The following CNTLN variants were observed in gnomAD, a reference collection of about 807,000 sequenced individuals.
The protein encoded by CNTLN is centlein, centrosomal protein.
Under a neutral mutation model 180.0 loss-of-function variants are expected in CNTLN, and 212 were observed. The ratio of observed to expected loss-of-function variants is 1.18; its 90% confidence interval spans 1.05 to 1.32. The LOEUF (loss-of-function observed/expected upper bound fraction) is 1.32. Ranked by LOEUF, CNTLN falls within the 40% of genes most tolerant of loss-of-function variation. The probability of loss-of-function intolerance (pLI) is 0.00; values close to 1 mark genes in which losing one functional copy is unlikely to be tolerated. For missense variants in CNTLN, 2,095 were observed against 1,610.9 expected (o/e 1.30, Z -5.14); for synonymous variants, 722 against 563.1 (o/e 1.28, Z -3.99).
At chr9:17,447,035 A>T (rs755679659) in intron 18 of CNTLN, 123 of 157,592 alleles carry the variant, frequency 7.8e-4, no homozygotes, top group Non-Finnish European at 1.5e-3. Flanking sequence ...GCGGTATTTC[A>T]CATAGACTGC....
In CNTLN at chr9:17,409,403, C is replaced by G; in HGVS notation, c.2726C>G (p.Thr909Arg). The G allele has an allele frequency of 6.2e-7, 1 of 1,613,282 alleles. No individual in the cohort carries two copies. Among genetic ancestry groups the G allele is most frequent in the Non-Finnish European group, 8.5e-7 (1 of 1,179,600 alleles). The part of the protein sequence containing the change: ...DGKDQKESDP[T>R]EDSQTQGKEI... ...AAAGACCAGAAAGAAAGTGATCCAACAGAAGACAGCCAAACACAAGGAAAA... is the reference window on the plus strand; with the variant it reads ...AAAGACCAGAAAGAAAGTGATCCAAGAGAAGACAGCCAAACACAAGGAAAA... Residue 909 changes from threonine (T) to arginine (R), a missense_variant, in exon 16 of 26, where the codon ACA becomes AGA. Physicochemically the swap from Thr to Arg is moderately conservative, Grantham distance 71. Coordinates refer to ENST00000380647, the MANE Select transcript of CNTLN (RefSeq NM_017738.4).
At chr9:17,235,181 C>T (rs918029537) in intron 3 of CNTLN, among the ~76,000 whole-genome samples, 3 of 152,150 alleles carry the variant, frequency 2.0e-5, no homozygotes, top group African/African-American at 7.2e-5. Flanking sequence ...TCTAAATATT[C>T]TGTCTACAGA....
chr9:17,353,894 A>G (rs971046644), intron 12 of CNTLN, among the ~76,000 whole-genome samples: 1 of 152,164 alleles, frequency 6.6e-6, no homozygotes. Flanking sequence ...TGGGCTGGCC[A>G]AGGCTGGAGC....
intron 5 of CNTLN, among the ~76,000 whole-genome samples, chr9:17,256,147 C>G (rs1176732478): frequency 1.4e-4 from 22 of 151,776 alleles, no homozygotes; most frequent in Non-Finnish European, 3.2e-4. Flanking sequence ...TTTTATTTAT[C>G]CAGTCTGCTA....
intron 3 of CNTLN, among the ~76,000 whole-genome samples, chr9:17,228,731 C>T (rs758265134): frequency 2.0e-5 from 3 of 151,978 alleles, no homozygotes; most frequent in Non-Finnish European, 2.9e-5. Flanking sequence ...GGTCCACTGA[C>T]ATGGACCTGA....
chr9:17,459,306 A>C (rs867269631), intron 19 of CNTLN, among the ~76,000 whole-genome samples: 2 of 151,752 alleles, frequency 1.3e-5, no homozygotes, highest in South Asian at 4.1e-4. Flanking sequence ...TTTCCATGGT[A>C]TAAGTTTTTA....
chr9:17,256,319 C>A (rs75941638), intron 5 of CNTLN, among the ~76,000 whole-genome samples: 4,351 of 151,904 alleles, frequency 0.029, 195 homozygotes, highest in African/African-American at 0.099. Context: ...TTATTTTTAG[C>A]TCTTTGAGAA....
intron 7 of CNTLN, chr9:17,300,091 T>G (rs1409914660): frequency 6.6e-6 from 1 of 152,200 alleles, no homozygotes; most frequent in Non-Finnish European, 1.5e-5. Flanking sequence ...ATCCCTTATC[T>G]GAAGTGCTTG....
chr9:17,514,354 C>A, the CNTLN span, among the ~76,000 whole-genome samples: 1 of 152,046 alleles, frequency 6.6e-6, no homozygotes, highest in East Asian at 1.9e-4. Context: ...AACCGTGACA[C>A]ATAACAGAAA....
chr9:17,328,138 C>A (rs970316854), intron 8 of CNTLN, among the ~76,000 whole-genome samples: 5 of 152,112 alleles, frequency 3.3e-5, no homozygotes, highest in Non-Finnish European at 5.9e-5. Flanking sequence ...ATAATATACC[C>A]TTTTGTACCC....
intron 13 of CNTLN, among the ~76,000 whole-genome samples, chr9:17,372,697 C>T (rs2133500868): frequency 6.6e-6 from 1 of 152,240 alleles, no homozygotes. Context: ...AGTTCAATAT[C>T]CCTGATGAAC....
At chr9:17,344,228 G>A (rs1821705212) in intron 12 of CNTLN, among the ~76,000 whole-genome samples, 1 of 152,100 alleles carries the variant, frequency 6.6e-6, no homozygotes, top group Admixed American at 6.6e-5. Context: ...TCAGAATCCT[G>A]ATCTGTTCAC....
intron 18 of CNTLN, among the ~76,000 whole-genome samples, chr9:17,445,895 A>C (rs1313295621): frequency 6.7e-6 from 1 of 149,692 alleles, no homozygotes; most frequent in Non-Finnish European, 1.5e-5. Flanking sequence ...TCCCGGTATA[A>C]AACCCGATTG....
At chr9:17,216,222 T>C (rs1336553914) in intron 2 of CNTLN, among the ~76,000 whole-genome samples, 1 of 152,130 alleles carries the variant, frequency 6.6e-6, no homozygotes, top group African/African-American at 2.4e-5. Context: ...TAATAATTAG[T>C]GGTTAAGAAC....
chr9:17,352,389 AATATATAT>A (rs373257904), intron 12 of CNTLN, among the ~76,000 whole-genome samples: 1 of 84,464 alleles, frequency 1.2e-5, no homozygotes, highest in South Asian at 3.1e-4. Flanking sequence ...CTCAAGCTAG[AATATATAT>A]ATATATATAT....
chr9:17,273,107 C>A (rs1256832182), intron 5 of CNTLN, among the ~76,000 whole-genome samples: 2 of 151,826 alleles, frequency 1.3e-5, no homozygotes, highest in Admixed American at 6.6e-5. Context: ...ATATTTAGTT[C>A]TTTGCAAAAG....
Position 17,298,511 on chromosome 9 carries a change from AT to A in CNTLN, c.1146+162del, listed in dbSNP as rs1818114984. 1.3e-5 allele frequency: 17 copies of A among 1,320,214 alleles called. No individual in the cohort carries two copies. In the Admixed American group the frequency reaches 5.5e-4, roughly 43 times the overall value. The allele number at this position is 1,320,214 out of a possible 1,614,324, so 81.8% of individuals were successfully genotyped here. On this transcript the variant is annotated intron_variant, in intron 7 of 25. Transcript: ENST00000380647. ...GTGAAGGATGGTTCAATTTGATAAC[AT>A]TTAAAATTTTTTGAATTTTCTTTAT...
intron 2 of CNTLN, among the ~76,000 whole-genome samples, chr9:17,165,674 T>C (rs1820020803): frequency 6.6e-6 from 1 of 152,172 alleles, no homozygotes; most frequent in African/African-American, 2.4e-5. Context: ...CTTCTGGACT[T>C]AGGGACCTCA....
rs1029461101 is a variant in CNTLN at position 17,163,728 on chromosome 9, A to G, written c.449+20352A>G. Among the ~76,000 whole-genome samples the G allele has an allele frequency of 3.9e-5, 6 of 152,196 alleles. No individual in the cohort carries two copies. The East Asian group carries it at 7.7e-4, about 20-fold the overall frequency. ...TAAGAATAAATAAGTGTATTTGCAT[A>G]TTGAAAAACATTGATCTGGCTGGGC... On this transcript the variant is annotated intron_variant, in intron 2 of 25. Coordinates refer to ENST00000380647, the MANE Select transcript of CNTLN (RefSeq NM_017738.4).
Sources: gnomAD v4.1 joint callset for allele counts (sites outside exome capture counted in the v4.1 genomes callset) on GRCh38, gnomAD v4.1.1 for gene constraint, MANE v1.5 for transcripts, NCBI Gene and HGNC (gene_info 2026-07-23, HGNC 2026-07-21) for gene names.